Variants in DLC1 observed in about 807,000 individuals in gnomAD.
DLC1 encodes the protein rho GTPase-activating protein 7.
In DLC1, 54 loss-of-function variants were observed where a neutral mutation model predicts 140.3. The ratio of observed to expected loss-of-function variants is 0.38; its 90% CI spans 0.31 to 0.48. The LOEUF is 0.48. Among genes scored for constraint, DLC1 ranks in the 20% least tolerant of loss-of-function variants. The pLI is 0.96. For missense variants in DLC1, 2,536 were observed against 1,907.0 expected (o/e 1.33, Z -6.14); for synonymous variants, 986 against 728.1 (o/e 1.35, Z -5.70).
intron 4 of DLC1, among the ~76,000 whole-genome samples, chr8:13,325,386 A>G (rs541812050): frequency 1.3e-5 from 2 of 152,286 alleles, no homozygotes; most frequent in South Asian, 4.1e-4. Flanking sequence ...TATTCCTACT[A>G]AATTGCACAA....
intron 5 of DLC1, among the ~76,000 whole-genome samples, chr8:13,151,757 A>G (rs1823830709): frequency 6.6e-6 from 1 of 152,224 alleles, no homozygotes; most frequent in African/African-American, 2.4e-5. Flanking sequence ...AAATGATGTG[A>G]AGAAAACCTG....
At chr8:13,380,339 C>G (rs1198869999) in intron 4 of DLC1, among the ~76,000 whole-genome samples, 1 of 152,144 alleles carries the variant, frequency 6.6e-6, no homozygotes, top group Admixed American at 6.5e-5. Context: ...TATTTGTTTC[C>G]ATTGTAAGTC....
intron 5 of DLC1, among the ~76,000 whole-genome samples, chr8:13,122,039 A>G (rs923930033): frequency 2.0e-5 from 3 of 152,190 alleles, no homozygotes; most frequent in African/African-American, 7.2e-5. Flanking sequence ...CCCTTGGATT[A>G]TCCTAACAGC....
intron 1 of DLC1, among the ~76,000 whole-genome samples, chr8:13,594,115 C>G (rs1182803320): frequency 2.0e-5 from 3 of 151,896 alleles, no homozygotes; most frequent in Non-Finnish European, 4.4e-5. Flanking sequence ...GAATCATGAT[C>G]TTGTAACTGC....
chr8:13,348,968 G>A (rs1010932795), intron 4 of DLC1, among the ~76,000 whole-genome samples: 1 of 152,166 alleles, frequency 6.6e-6, no homozygotes, highest in African/African-American at 2.4e-5. Context: ...CAGCCGCTCT[G>A]GAAGGTGGTG....
At chr8:13,116,513 A>C (rs1585672346) in intron 5 of DLC1, among the ~76,000 whole-genome samples, 1 of 152,218 alleles carries the variant, frequency 6.6e-6, no homozygotes, top group Admixed American at 6.5e-5. Context: ...ACTCAGTTAC[A>C]CAAGTCTGTT....
intron 2 of DLC1, among the ~76,000 whole-genome samples, chr8:13,467,795 G>A (rs1309405958): frequency 6.6e-6 from 1 of 151,978 alleles, no homozygotes. Flanking sequence ...CTCTTCATAT[G>A]ATCATAAATT....
At chr8:13,462,053 T>C (rs1168572613) in intron 2 of DLC1, among the ~76,000 whole-genome samples, 2 of 152,122 alleles carry the variant, frequency 1.3e-5, no homozygotes, top group Non-Finnish European at 2.9e-5. Context: ...ACAAATGGGA[T>C]GGGCACATTA....
intron 1 of DLC1, among the ~76,000 whole-genome samples, chr8:13,555,082 C>T (rs1803994385): frequency 6.6e-6 from 1 of 152,226 alleles, no homozygotes; most frequent in African/African-American, 2.4e-5. Flanking sequence ...AACACTTTTG[C>T]TCGATAACCT....
chr8:13,572,914 A>G (rs1429993512), intron 1 of DLC1, among the ~76,000 whole-genome samples: 1 of 152,134 alleles, frequency 6.6e-6, no homozygotes, highest in Non-Finnish European at 1.5e-5. Flanking sequence ...TGAAACATGG[A>G]ATCTCTATCC....
chr8:13,259,901 A>G (rs887248772), intron 5 of DLC1, among the ~76,000 whole-genome samples: 2 of 152,154 alleles, frequency 1.3e-5, no homozygotes, highest in African/African-American at 4.8e-5. Flanking sequence ...GTAATTACAA[A>G]CTTAAAAAAA....
intron 4 of DLC1, among the ~76,000 whole-genome samples, chr8:13,381,891 C>T (rs1836278582): frequency 6.6e-6 from 1 of 151,966 alleles, no homozygotes; most frequent in African/African-American, 2.4e-5. Flanking sequence ...TAAAAACTGA[C>T]AAAATATGAT....
At chr8:13,528,490 A>G (rs1325299082) in intron 1 of DLC1, among the ~76,000 whole-genome samples, 1 of 152,198 alleles carries the variant, frequency 6.6e-6, no homozygotes, top group Non-Finnish European at 1.5e-5. Flanking sequence ...TGTGTTATAA[A>G]AGATTTCTTT....
At chr8:13,283,556 C>T (rs1424167406) in intron 5 of DLC1, among the ~76,000 whole-genome samples, 1 of 152,114 alleles carries the variant, frequency 6.6e-6, no homozygotes. Flanking sequence ...CACTCTGTTG[C>T]CCAGGCAGGA....
rs910473421 is a variant in DLC1, at chr8:13,539,584, A to G, written c.-125-39388T>C. Among the ~76,000 whole-genome samples, 11 of 152,172 alleles carry G rather than the reference A, an allele frequency of 7.2e-5. No individual in the cohort carries two copies. The South Asian group carries it at 1.0e-3, about 14-fold the overall frequency. On this transcript the variant is annotated intron_variant, in intron 1 of 1. Coordinates refer to the DLC1 transcript ENST00000631382. Reference sequence around the variant, plus strand: ...CAGGAGGCGCAGTGCCCTTTTTCCAATCTACCCCTTGAGGCCAGGAGCTTC... The same window carrying G: ...CAGGAGGCGCAGTGCCCTTTTTCCAGTCTACCCCTTGAGGCCAGGAGCTTC...
chr8:13,212,085 A>T (rs1827973620), intron 5 of DLC1, among the ~76,000 whole-genome samples: 1 of 152,222 alleles, frequency 6.6e-6, no homozygotes, highest in Admixed American at 6.5e-5. Flanking sequence ...ACCCAGTTTC[A>T]ACAAGTTATG....
At chr8:13,542,577 A>C (rs985422560) in intron 1 of DLC1, among the ~76,000 whole-genome samples, 1 of 152,164 alleles carries the variant, frequency 6.6e-6, no homozygotes, top group African/African-American at 2.4e-5. Flanking sequence ...ATTTTGATCG[A>C]GATTGATCAA....
chr8:13,195,713 C>T (rs1827007830), intron 5 of DLC1, among the ~76,000 whole-genome samples: 2 of 152,148 alleles, frequency 1.3e-5, no homozygotes, highest in African/African-American at 4.8e-5. Flanking sequence ...AACATAGCTC[C>T]TTAGAGATGG....
At chr8:13,227,702 C>T (rs1014141684) in intron 5 of DLC1, among the ~76,000 whole-genome samples, 4 of 152,150 alleles carry the variant, frequency 2.6e-5, no homozygotes, top group South Asian at 2.1e-4. Flanking sequence ...TGTTGCAAGA[C>T]ATGACGAAAG....
Sources: gnomAD v4.1 joint callset for allele counts (sites outside exome capture counted in the v4.1 genomes callset) on GRCh38, gnomAD v4.1.1 for gene constraint, MANE v1.5 for transcripts, NCBI Gene and HGNC (gene_info 2026-07-23, HGNC 2026-07-21) for gene names.